Variants in CNTNAP2 observed in about 807,000 individuals in gnomAD.
The protein encoded by CNTNAP2 is contactin-associated protein-like 2.
A neutral mutation model predicts 155.2 loss-of-function variants in CNTNAP2; 98 were observed. The observed-to-expected ratio is 0.63, with a 90% CI of 0.54 to 0.75. The LOEUF (loss-of-function observed/expected upper bound fraction) is 0.75, where lower values mean the gene tolerates loss of function less well. Ranked by LOEUF, CNTNAP2 falls within the 30% of genes least tolerant of loss-of-function variation. The pLI, the probability that CNTNAP2 is intolerant of heterozygous loss-of-function variation, is 0.00. For synonymous variants in CNTNAP2, 651 were observed against 631.2 expected (o/e 1.03, Z -0.47); for missense variants, 1,727 against 1,688.1 (o/e 1.02, Z -0.40).
chr7:147,875,592 T>A (rs1460150341), intron 13 of CNTNAP2, among the ~76,000 whole-genome samples: 1 of 152,000 alleles, frequency 6.6e-6, no homozygotes, highest in Non-Finnish European at 1.5e-5. Context: ...ACAAAGTAAT[T>A]TTTAAAAATG....
At chr7:146,925,498 C>G (rs755802185) in intron 3 of CNTNAP2, among the ~76,000 whole-genome samples, 1 of 151,874 alleles carries the variant, frequency 6.6e-6, no homozygotes, top group East Asian at 1.9e-4. Context: ...AATTTACCTA[C>G]GTTAAATTGA....
chr7:146,545,283 A>G (rs1798012732), intron 1 of CNTNAP2, among the ~76,000 whole-genome samples: 1 of 151,966 alleles, frequency 6.6e-6, no homozygotes, highest in Non-Finnish European at 1.5e-5. Context: ...AATATCAGCT[A>G]CCGTGAACTG....
chr7:146,501,125 T>C (rs1054503989), intron 1 of CNTNAP2, among the ~76,000 whole-genome samples: 1 of 152,144 alleles, frequency 6.6e-6, no homozygotes, highest in South Asian at 2.1e-4. Flanking sequence ...AGTCTGCTAG[T>C]ATTTTTGTTG....
At chr7:147,950,276 T>A (rs994335322) in intron 14 of CNTNAP2, among the ~76,000 whole-genome samples, 1 of 137,320 alleles carries the variant, frequency 7.3e-6, no homozygotes, top group East Asian at 2.2e-4. Context: ...GGCTAGCACA[T>A]CAGATAAATA....
chr7:147,094,399 C>CTTTTTTT (rs55694542), intron 4 of CNTNAP2, among the ~76,000 whole-genome samples: 4 of 132,962 alleles, frequency 3.0e-5, no homozygotes, highest in Non-Finnish European at 6.2e-5. Context: ...ATTATTATTC[C>CTTTTTTT]TTTTTTTTTT....
chr7:147,694,627 C>T (rs1796136458), intron 13 of CNTNAP2, among the ~76,000 whole-genome samples: 1 of 152,106 alleles, frequency 6.6e-6, no homozygotes, highest in Non-Finnish European at 1.5e-5. Flanking sequence ...GAATTTTTCA[C>T]AGAATTCATT....
chr7:147,200,311 A>G (rs10273775), intron 8 of CNTNAP2, among the ~76,000 whole-genome samples: 79,747 of 151,972 alleles, frequency 0.52, 21,458 homozygotes, highest in South Asian at 0.7. Context: ...TAACTCCTGC[A>G]ACAGCTCCAC....
chr7:147,588,808 G>A lies in CNTNAP2; in HGVS notation c.1897+26551G>A, dbSNP rs1584835117. ...CACAACAAGTGCTGGTAAGCAGCTG[G>A]TCTGTAGACAGGGGCCTCATCACTT... On this transcript the variant is annotated intron_variant, in intron 12 of 23. Transcript: ENST00000361727. Among the ~76,000 whole-genome samples, 3 of 152,270 alleles carry A rather than the reference G, an allele frequency of 2.0e-5. No homozygotes were observed. The East Asian group carries it at 5.8e-4, about 29-fold the overall frequency.
intron 3 of CNTNAP2, among the ~76,000 whole-genome samples, chr7:147,019,396 G>C (rs1393625428): frequency 6.6e-6 from 1 of 151,878 alleles, no homozygotes; most frequent in Non-Finnish European, 1.5e-5. Context: ...CTCCCAAGTT[G>C]GGAGTACTAC....
intron 15 of CNTNAP2, among the ~76,000 whole-genome samples, chr7:148,039,771 C>T (rs1363311621): frequency 6.6e-6 from 1 of 152,208 alleles, no homozygotes; most frequent in African/African-American, 2.4e-5. Flanking sequence ...TGGTCACATA[C>T]AAGAACCCTC....
At position 148,354,004 on chromosome 7, in the gene CNTNAP2, T is replaced by C. The variant is rs371671813; in HGVS notation, c.3476-29645T>C. Among the ~76,000 whole-genome samples, 3 of 152,152 alleles carry C rather than the reference T, an allele frequency of 2.0e-5. No individual in the cohort carries two copies. The East Asian group carries it at 5.8e-4, about 29-fold the overall frequency. On this transcript the variant is annotated intron_variant, in intron 21 of 23. Transcript: ENST00000361727. ...CGTTTCCTATACTGGGACTAAAGTC[T>C]GGCCAGGAAATTAACTTTTAACCCT...
chr7:147,030,018 A>G (rs113811561), intron 3 of CNTNAP2, among the ~76,000 whole-genome samples: 9 of 152,340 alleles, frequency 5.9e-5, no homozygotes, highest in African/African-American at 1.9e-4. Flanking sequence ...ATACCTGCGA[A>G]AAGCAATGGT....
intron 2 of CNTNAP2, among the ~76,000 whole-genome samples, chr7:146,821,270 T>C (rs1241263232): frequency 6.6e-6 from 1 of 152,210 alleles, no homozygotes; most frequent in Non-Finnish European, 1.5e-5. Flanking sequence ...TGATGGTCTT[T>C]ACATTTTGGC....
At chr7:147,152,924 C>T (rs773989125) in intron 8 of CNTNAP2, among the ~76,000 whole-genome samples, 13 of 152,116 alleles carry the variant, frequency 8.5e-5, no homozygotes, top group Non-Finnish European at 1.8e-4. Flanking sequence ...GTCTGATGTT[C>T]ATTCCTGAGC....
chr7:146,411,404 C>G (rs1795862889), intron 1 of CNTNAP2, among the ~76,000 whole-genome samples: 2 of 152,090 alleles, frequency 1.3e-5, no homozygotes, highest in Admixed American at 1.3e-4. Context: ...GATCTGCCAG[C>G]CTCGGCCTCC....
At chr7:148,330,177 A>G in intron 21 of CNTNAP2, among the ~76,000 whole-genome samples, 1 of 151,304 alleles carries the variant, frequency 6.6e-6, no homozygotes, top group African/African-American at 2.4e-5. Context: ...GGACGGATGG[A>G]GTGGACAGAT....
chr7:146,772,011 G>A (rs560673499), intron 1 of CNTNAP2, among the ~76,000 whole-genome samples: 7 of 152,160 alleles, frequency 4.6e-5, no homozygotes, highest in African/African-American at 1.7e-4. Flanking sequence ...ATTGGGTTTA[G>A]TACATTCATT....
intron 8 of CNTNAP2, among the ~76,000 whole-genome samples, chr7:147,254,553 T>C (rs1426965633): frequency 6.6e-6 from 1 of 152,160 alleles, no homozygotes; most frequent in Non-Finnish European, 1.5e-5. Flanking sequence ...TAAGAAATAA[T>C]GGAGAAATGT....
intron 3 of CNTNAP2, among the ~76,000 whole-genome samples, chr7:146,991,351 T>C (rs944342565): frequency 5.3e-5 from 8 of 152,246 alleles, no homozygotes; most frequent in Non-Finnish European, 1.0e-4. Context: ...ACACCTGATA[T>C]GCACTTCAAT....
Sources: allele counts gnomAD v4.1 joint callset (sites outside exome capture counted in the v4.1 genomes callset), GRCh38; gene constraint gnomAD v4.1.1; transcripts MANE v1.5; gene names NCBI Gene and HGNC (gene_info 2026-07-23, HGNC 2026-07-21).